Variants in RALGPS1 observed in about 807,000 individuals in gnomAD.
RALGPS1 encodes the protein Ral GEF with PH domain and SH3 binding motif 1, also known as ras-specific guanine nucleotide-releasing factor RalGPS1.
In RALGPS1, 19 loss-of-function variants were observed where a neutral mutation model predicts 78.8. The observed-to-expected ratio is 0.24, with a 90% CI of 0.17 to 0.35. RALGPS1 has a LOEUF of 0.35. Among genes scored for constraint, RALGPS1 ranks in the 10% least tolerant of loss-of-function variants. The pLI is 1.00. For synonymous variants in RALGPS1, 228 were observed against 256.3 expected (o/e 0.89, Z 1.06); for missense variants, 454 against 688.3 (o/e 0.66, Z 3.81).
In RALGPS1 at chr9:127,176,055, T is replaced by C. The variant is rs995459496; in HGVS notation, c.910+1273T>C. On this transcript the variant is annotated intron_variant, in intron 11 of 18. Transcript: ENST00000259351. ...CCTTTTCCAGCCTCTCCTGGCTGCA[T>C]TGGACAAGCCAGACCCTGCCTCCAG... Among the ~76,000 whole-genome samples, 7 of 152,074 alleles carry C rather than the reference T, an allele frequency of 4.6e-5. No homozygotes were observed. In the East Asian group the frequency reaches 7.7e-4, roughly 17 times the overall value.
intron 11 of RALGPS1, among the ~76,000 whole-genome samples, chr9:127,191,554 C>G (rs915966426): frequency 1.3e-5 from 2 of 152,196 alleles, no homozygotes; most frequent in Non-Finnish European, 2.9e-5. Flanking sequence ...CCCAATACCA[C>G]ACTCTTTGAA....
At chr9:127,143,738 G>C (rs2057926516) in intron 8 of RALGPS1, among the ~76,000 whole-genome samples, 1 of 152,200 alleles carries the variant, frequency 6.6e-6, no homozygotes, top group African/African-American at 2.4e-5. Flanking sequence ...AATTCTAGAA[G>C]ACATCAGAGT....
intron 1 of RALGPS1, among the ~76,000 whole-genome samples, chr9:126,960,253 T>C (rs2038779884): frequency 1.5e-5 from 2 of 133,270 alleles, no homozygotes; most frequent in South Asian, 5.9e-4. Context: ...TTTTTTTTTT[T>C]TGATGGAATC....
At chr9:126,999,213 A>G (rs886733034) in intron 4 of RALGPS1, among the ~76,000 whole-genome samples, 11 of 152,156 alleles carry the variant, frequency 7.2e-5, no homozygotes, top group Admixed American at 2.6e-4. Flanking sequence ...AATTGAACAG[A>G]AAGTATAGAG....
At chr9:127,033,290 C>T (rs1166720110) in intron 4 of RALGPS1, among the ~76,000 whole-genome samples, 1 of 152,104 alleles carries the variant, frequency 6.6e-6, no homozygotes, top group Non-Finnish European at 1.5e-5. Context: ...GCTGCTGTTG[C>T]CTTTAGCCAG....
intron 8 of RALGPS1, among the ~76,000 whole-genome samples, chr9:127,142,504 G>C (rs757933809): frequency 2.0e-5 from 3 of 152,198 alleles, no homozygotes; most frequent in Non-Finnish European, 4.4e-5. Context: ...AGTCAGGGTG[G>C]CTAGCAGAGA....
In RALGPS1 at chr9:127,203,124, A is replaced by G. The variant is rs188862158; in HGVS notation, c.1247+4058A>G. Among the ~76,000 whole-genome samples the G allele has an allele frequency of 4.6e-5, 7 of 152,316 alleles. No homozygotes were observed. In the East Asian group the frequency reaches 1.4e-3, roughly 29 times the overall value. On this transcript the variant is annotated intron_variant, in intron 14 of 18. Transcript: ENST00000259351. The stretch of plus-strand genomic sequence containing the variant: ...AGAATATCAGCCTACGAGTTAAAGG[A>G]TTTTAAATGAGGTGTTTTTAAAAAG...
rs1342056672 is a variant in RALGPS1, at chr9:127,219,298, A to G, written c.*529A>G. 6.3e-6 allele frequency: 1 copy of G among 157,766 alleles called. No homozygotes were observed. The highest frequency in any genetic ancestry group is 6.1e-5 in the Admixed American group (1 of 16,422). 9.8% of individuals were successfully genotyped at this position (157,766 alleles called of 1,614,324 possible). A position where few individuals can be genotyped will look rare whatever the true frequency, so the allele number is the denominator to read the frequency against. On this transcript the variant is annotated 3_prime_UTR_variant, in exon 19 of 19. Coordinates refer to ENST00000259351, the MANE Select transcript of RALGPS1 (RefSeq NM_014636.3). The surrounding 1 kb of genome is among the most constrained non-coding windows in gnomAD (Gnocchi z 5.0). The stretch of plus-strand genomic sequence containing the variant: ...GTGAGCGAGTGTGAACTCTTCAAGA[A>G]ACATGCATTTTGGCACAAGACTCGT...
At chr9:127,002,050 GCAAA>G (rs1231755110) in intron 4 of RALGPS1, among the ~76,000 whole-genome samples, 2 of 152,176 alleles carry the variant, frequency 1.3e-5, no homozygotes, top group Non-Finnish European at 2.9e-5. Context: ...TTTTTACAAA[GCAAA>G]CAAACAATGT....
intron 4 of RALGPS1, among the ~76,000 whole-genome samples, chr9:127,030,241 T>C (rs1289011858): frequency 6.6e-6 from 1 of 152,062 alleles, no homozygotes; most frequent in African/African-American, 2.4e-5. Context: ...CACAGACATG[T>C]AGTTGAAGCC....
In RALGPS1 at chr9:127,091,927, T is replaced by C; in HGVS notation, c.610+22571T>C. The C allele has an allele frequency of 3.1e-6, 5 of 1,613,906 alleles. No homozygotes were observed. Among genetic ancestry groups the C allele is most frequent in the Non-Finnish European group, 3.4e-6 (4 of 1,179,882 alleles). The stretch of plus-strand genomic sequence containing the variant: ...GCCCAGCCAGTATTCGCCGTCAATG[T>C]TCCCAAACCCTTGCTGGGGAAAACC... On this transcript the variant is annotated intron_variant, in intron 8 of 18. Transcript: ENST00000259351. The surrounding 1 kb of genome is among the most constrained non-coding windows in gnomAD (Gnocchi z 4.3).
intron 3 of RALGPS1, among the ~76,000 whole-genome samples, chr9:126,968,378 A>G (rs2039752130): frequency 6.6e-6 from 1 of 152,226 alleles, no homozygotes; most frequent in Non-Finnish European, 1.5e-5. Flanking sequence ...TAAGGATCCA[A>G]GAGATTAATT....
chr9:127,121,778 G>C (rs1010243745), intron 8 of RALGPS1, among the ~76,000 whole-genome samples: 1 of 152,170 alleles, frequency 6.6e-6, no homozygotes, highest in Non-Finnish European at 1.5e-5. Context: ...TGCTCTCCTC[G>C]CCAGCTGGAG....
intron 12 of RALGPS1, 27 bp downstream of exon 12, chr9:127,195,244 CG>C: frequency 1.2e-6 from 2 of 1,603,658 alleles, no homozygotes; most frequent in Non-Finnish European, 1.7e-6. Flanking sequence ...GCCCTCCCGC[CG>C]GGCTTCAGAC....
chr9:127,202,833 G>A (rs2061709763), intron 14 of RALGPS1, among the ~76,000 whole-genome samples: 2 of 152,162 alleles, frequency 1.3e-5, no homozygotes, highest in African/African-American at 4.8e-5. Context: ...TCATGCCGGG[G>A]AGAGTAGGGG....
At chr9:127,072,609 A>G (rs993961935) in intron 8 of RALGPS1, among the ~76,000 whole-genome samples, 1 of 152,186 alleles carries the variant, frequency 6.6e-6, no homozygotes, top group African/African-American at 2.4e-5. Context: ...GGCTTAATGT[A>G]AGATCGGTTT....
At chr9:126,979,421 T>G (rs1166331541) in intron 4 of RALGPS1, among the ~76,000 whole-genome samples, 1 of 152,206 alleles carries the variant, frequency 6.6e-6, no homozygotes. Flanking sequence ...CACTGCCTCT[T>G]GAAGCCCTTT....
intron 8 of RALGPS1, among the ~76,000 whole-genome samples, chr9:127,114,542 G>A (rs1240598420): frequency 1.3e-5 from 2 of 152,252 alleles, no homozygotes; most frequent in Non-Finnish European, 2.9e-5. Context: ...TCCCAGGGAA[G>A]CCTCCAAATT....
At chr9:127,083,183 G>A (rs2051351851) in intron 8 of RALGPS1, among the ~76,000 whole-genome samples, 2 of 152,184 alleles carry the variant, frequency 1.3e-5, no homozygotes, top group African/African-American at 4.8e-5. Context: ...CTCCTTCTCT[G>A]GGAACCTACT....
Sources: gnomAD v4.1 joint callset for allele counts (sites outside exome capture counted in the v4.1 genomes callset) on GRCh38, gnomAD v4.1.1 for gene constraint, Gnocchi (gnomAD v3.1) non-coding constraint, MANE v1.5 for transcripts, NCBI Gene and HGNC (gene_info 2026-07-23, HGNC 2026-07-21) for gene names.